Variants in GPX6 observed in about 807,000 individuals in gnomAD.
GPX6 encodes glutathione peroxidase 6 (olfactory).
Under a neutral mutation model 20.0 loss-of-function variants are expected in GPX6, and 21 were observed. The ratio of observed to expected loss-of-function variants is 1.05; its 90% CI spans 0.74 to 1.51. The LOEUF is 1.51. Ranked by LOEUF, GPX6 falls within the 40% of genes most tolerant of loss-of-function variation. The pLI, the probability that GPX6 is intolerant of heterozygous loss-of-function variation, is 0.00. For missense variants in GPX6, 233 were observed against 254.7 expected, an observed-to-expected ratio of 0.91 and a Z score of 0.58; for synonymous variants, 75 against 98.0, an observed-to-expected ratio of 0.77 and a Z score of 1.38.
At chr6:28,512,836 C>G (rs1301238126) in intron 1 of GPX6, among the ~76,000 whole-genome samples, 4 of 151,536 alleles carry the variant, frequency 2.6e-5, no homozygotes, top group East Asian at 1.9e-4. Flanking sequence ...GCCTTAAGAG[C>G]TGTAACACTG....
chr6:28,511,638 A>C (rs1367218722), intron 1 of GPX6, among the ~76,000 whole-genome samples: 1 of 152,270 alleles, frequency 6.6e-6, no homozygotes, highest in Non-Finnish European at 1.5e-5. Context: ...CTGGACGTGG[A>C]GAGCAATGCA....
chr6:28,506,238 T>G, intron 3 of GPX6, 74 bp downstream of exon 3: 1 of 875,708 alleles, frequency 1.1e-6, no homozygotes, highest in Non-Finnish European at 2.0e-6. Flanking sequence ...GTTTCCAGAA[T>G]AGGCAGGCAT....
intron 1 of GPX6, among the ~76,000 whole-genome samples, chr6:28,512,712 G>A (rs1380395557): frequency 1.3e-5 from 2 of 152,048 alleles, no homozygotes; most frequent in Non-Finnish European, 2.9e-5. Flanking sequence ...CTCATTCTTG[G>A]GGTCCACACT....
At chr6:28,509,189 T>A (rs1432370620) in intron 2 of GPX6, among the ~76,000 whole-genome samples, 1 of 152,040 alleles carries the variant, frequency 6.6e-6, no homozygotes, top group African/African-American at 2.4e-5. Context: ...GCTGAACAGA[T>A]AATAGTGTCA....
At position 28,504,102 on chromosome 6, in the gene GPX6, A is replaced by G; in HGVS notation, c.*190T>C. On this transcript the variant is annotated 3_prime_UTR_variant, in exon 5 of 5. Transcript: ENST00000361902. ...CAAATACAATTCTACATATCCATACACACACACACACACACACACACAGCT... is the reference window on the plus strand; with the variant it reads ...CAAATACAATTCTACATATCCATACGCACACACACACACACACACACAGCT... 1 of 493,516 alleles carries G rather than the reference A, an allele frequency of 2.0e-6. No individual in the cohort carries two copies. The highest frequency in any genetic ancestry group is 3.8e-6 in the Non-Finnish European group (1 of 266,358). The allele number at this position is 493,516 out of a possible 1,614,324, so 30.6% of individuals were successfully genotyped here. A position where few individuals can be genotyped will look rare whatever the true frequency, so the allele number is the denominator to read the frequency against.
Position 28,504,099 on chromosome 6 carries a change from T to TACAC in GPX6, c.*189_*192dup, listed in dbSNP as rs55919532. 0.044 allele frequency: 24,948 copies of TACAC among 564,818 alleles called. 201 individuals are homozygous for TACAC. The highest frequency in any genetic ancestry group is 0.058 in the Non-Finnish European group (18,199 of 316,170). 35.0% of individuals were successfully genotyped at this position (564,818 alleles called of 1,614,324 possible). ...CAACAAATACAATTCTACATATCCA[T>TACAC]ACACACACACACACACACACACACA... On this transcript the variant is annotated 3_prime_UTR_variant, in exon 5 of 5. Transcript: ENST00000361902.
intron 1 of GPX6, among the ~76,000 whole-genome samples, chr6:28,513,157 A>C (rs1309459782): frequency 6.6e-6 from 1 of 152,104 alleles, no homozygotes; most frequent in Non-Finnish European, 1.5e-5. Context: ...ACTTCCACTT[A>C]ATAAAACCTT....
At chr6:28,510,704 C>T (rs1369131202) in intron 2 of GPX6, 47 bp downstream of exon 2, 2 of 1,582,382 alleles carry the variant, frequency 1.3e-6, no homozygotes, top group African/African-American at 1.3e-5. Context: ...TAGAATATGG[C>T]TATCTGGCAA....
chr6:28,504,123 C>G lies in GPX6; in HGVS notation c.*169G>C. ...ATACACACACACACACACACACACACAGCTACACACACATGCTAAGCAGGT... is the reference window on the plus strand; with the variant it reads ...ATACACACACACACACACACACACAGAGCTACACACACATGCTAAGCAGGT... On this transcript the variant is annotated 3_prime_UTR_variant, in exon 5 of 5. Transcript: ENST00000361902. 1.6e-6 allele frequency: 1 copy of G among 616,656 alleles called. No homozygotes were observed. The highest frequency in any genetic ancestry group is 4.3e-4 in the Middle Eastern group (1 of 2,302). The allele number at this position is 616,656 out of a possible 1,614,324, so 38.2% of individuals were successfully genotyped here. A position where few individuals can be genotyped will look rare whatever the true frequency, so the allele number is the denominator to read the frequency against.
At chr6:28,515,079 C>T (rs1038128255) in intron 1 of GPX6, among the ~76,000 whole-genome samples, 1 of 152,142 alleles carries the variant, frequency 6.6e-6, no homozygotes, top group African/African-American at 2.4e-5. Context: ...CATGACCTTC[C>T]CTAAAATTAA....
chr6:28,511,602 A>C (rs774253969), intron 1 of GPX6, among the ~76,000 whole-genome samples: 1 of 152,276 alleles, frequency 6.6e-6, no homozygotes. Context: ...AGAGAAGCAC[A>C]TCAGCGGAGG....
At chr6:28,514,957 CTA>C (rs1276947470) in intron 1 of GPX6, among the ~76,000 whole-genome samples, 1 of 152,176 alleles carries the variant, frequency 6.6e-6, no homozygotes, top group African/African-American at 2.4e-5. Context: ...ACAGGGGTGA[CTA>C]TGGACATCCA....
chr6:28,504,011 C>A lies in GPX6; in HGVS notation c.*281G>T, dbSNP rs1217474960. The A allele has an allele frequency of 8.0e-6, 3 of 373,698 alleles. No homozygotes were observed. Among genetic ancestry groups the A allele is most frequent in the African/African-American group, 4.5e-5 (2 of 44,434 alleles). The allele number at this position is 373,698 out of a possible 1,614,324, so 23.1% of individuals were successfully genotyped here. ...AGTTGGAGAGATAGGTGTTCTTTTC[C>A]TTAATCTTCAAACACACACACACAC... is the stretch of plus-strand genomic sequence containing the variant. On this transcript the variant is annotated 3_prime_UTR_variant, in exon 5 of 5. Coordinates refer to ENST00000361902, the MANE Select transcript of GPX6 (RefSeq NM_182701.1).
chr6:28,515,430 A>G (rs1763006915), intron 1 of GPX6, among the ~76,000 whole-genome samples: 1 of 152,224 alleles, frequency 6.6e-6, no homozygotes, highest in South Asian at 2.1e-4. Context: ...CCCACTCCAC[A>G]TACATTCAGT....
At chr6:28,508,529 G>A (rs1199489241) in intron 2 of GPX6, among the ~76,000 whole-genome samples, 2 of 152,046 alleles carry the variant, frequency 1.3e-5, no homozygotes, top group Non-Finnish European at 2.9e-5. Context: ...ATTGAGGCCG[G>A]GTGTGGTGGC....
chr6:28,509,384 A>C (rs942082572), intron 2 of GPX6, among the ~76,000 whole-genome samples: 14 of 144,506 alleles, frequency 9.7e-5, no homozygotes, highest in African/African-American at 3.4e-4. Flanking sequence ...AAAAAAAAAA[A>C]TTAGCTAGAT....
Position 28,515,648 on chromosome 6 carries a change from C to T in GPX6, c.87+9G>A. The stretch of plus-strand genomic sequence containing the variant: ...TGGAATCAGCTCGGATCCCCTGCCC[C>T]ATGCTCACCTTCCTATTTTGAGGCT... On this transcript the variant is annotated intron_variant, in intron 1 of 4. Transcript: ENST00000361902. 1.2e-6 allele frequency: 2 copies of T among 1,611,692 alleles called. No individual in the cohort carries two copies. The highest frequency in any genetic ancestry group is 1.7e-6 in the Non-Finnish European group (2 of 1,177,868).
chr6:28,506,576 G>T (rs1300824974), intron 2 of GPX6, 147 bp from the exon 3 acceptor site: 12 of 472,892 alleles, frequency 2.5e-5, no homozygotes, highest in East Asian at 6.8e-5. Flanking sequence ...CAAAGGAGTA[G>T]AGAAAAAAAA....
At chr6:28,507,321 G>A (rs1053483231) in intron 2 of GPX6, among the ~76,000 whole-genome samples, 1 of 152,034 alleles carries the variant, frequency 6.6e-6, no homozygotes, top group Non-Finnish European at 1.5e-5. Flanking sequence ...ATAGTTCTTC[G>A]GTTGCTATCG....
Sources: gnomAD v4.1 joint callset for allele counts (sites outside exome capture counted in the v4.1 genomes callset) on GRCh38, gnomAD v4.1.1 for gene constraint, MANE v1.5 for transcripts, NCBI Gene and HGNC (gene_info 2026-07-23, HGNC 2026-07-21) for gene names.